PIK3CD: variants seen among roughly 807,000 people sequenced by gnomAD.
PIK3CD encodes the protein phosphatidylinositol 4,5-bisphosphate 3-kinase catalytic subunit delta isoform.
PIK3CD carries 20 observed loss-of-function variants against 122.9 expected under a neutral mutation model. That is an observed-to-expected ratio of 0.16 (90% CI 0.11 to 0.24). The LOEUF is 0.24. Ranked by LOEUF, PIK3CD falls within the 10% of genes least tolerant of loss-of-function variation. The pLI, the probability that PIK3CD is intolerant of heterozygous loss-of-function variation, is 1.00. For missense variants in PIK3CD, 787 were observed against 1,406.3 expected, an observed-to-expected ratio of 0.56 and a Z score of 7.04; for synonymous variants, 596 against 593.4, an observed-to-expected ratio of 1.00 and a Z score of -0.06.
intron 1 of PIK3CD, among the ~76,000 whole-genome samples, chr1:9,654,921 G>A (rs1452124475): frequency 6.6e-6 from 1 of 152,040 alleles, no homozygotes; most frequent in African/African-American, 2.4e-5. Context: ...AAAAAAATTA[G>A]CTGGGCGTGG....
intron 1 of PIK3CD, among the ~76,000 whole-genome samples, chr1:9,673,481 G>A (rs1377045911): frequency 6.6e-6 from 1 of 151,838 alleles, no homozygotes; most frequent in Non-Finnish European, 1.5e-5. Flanking sequence ...GGCTGATCTC[G>A]AACTCCTGAC....
At chr1:9,678,474 A>AT (rs1427295463) in intron 1 of PIK3CD, among the ~76,000 whole-genome samples, 93 of 151,976 alleles carry the variant, frequency 6.1e-4, no homozygotes, top group Non-Finnish European at 5.9e-5. Context: ...AAAGAAAAAA[A>AT]CTCCATCTTC....
chr1:9,676,886 C>T (rs568234054), intron 1 of PIK3CD, among the ~76,000 whole-genome samples: 10 of 152,170 alleles, frequency 6.6e-5, no homozygotes, highest in Non-Finnish European at 1.5e-4. Flanking sequence ...GAGTCTGAAC[C>T]GATCCCAGAG....
the PIK3CD span, among the ~76,000 whole-genome samples, chr1:9,629,667 G>A: frequency 2.2e-4 from 33 of 152,122 alleles, no homozygotes; most frequent in Admixed American, 1.4e-3. Context: ...GCTGGGAGAA[G>A]GTGAGCTAAG....
In PIK3CD at chr1:9,700,222, G is replaced by GC. The variant is rs1372134726; in HGVS notation, c.-33+8652dup. On this transcript the variant is annotated intron_variant, in intron 2 of 23. Transcript: ENST00000377346. The surrounding 1 kb of genome is among the most constrained non-coding windows in gnomAD (Gnocchi z 5.1). ...CTCGGCTCATTGCAGCCTCCCCCTC[G>GC]CAGGTTCAAGTGATTCTCGTGGCTC... is the stretch of plus-strand genomic sequence containing the variant. 6.7e-6 allele frequency among the ~76,000 whole-genome samples: 1 copy of GC among 149,460 alleles called. No individual in the cohort carries two copies. Among genetic ancestry groups the GC allele is most frequent in the African/African-American group, 2.5e-5 (1 of 40,422 alleles).
At chr1:9,628,970 C>G in the PIK3CD span, among the ~76,000 whole-genome samples, 1 of 151,344 alleles carries the variant, frequency 6.6e-6, no homozygotes, top group Admixed American at 6.6e-5. Context: ...CGTCTGTGGT[C>G]TGCCCTGGGG....
the PIK3CD span, among the ~76,000 whole-genome samples, chr1:9,630,938 G>T: frequency 6.6e-6 from 1 of 152,094 alleles, no homozygotes; most frequent in African/African-American, 2.4e-5. Flanking sequence ...CCATTCAGAT[G>T]ATTGGTCATC....
rs1022513845 is a variant in PIK3CD, at chr1:9,715,045, T to G, written c.142-496T>G. Reference sequence around the variant, plus strand: ...CAAAAAATTTAGCCAGGCATGGTGGTGCATGCCTATAATCCCAGCTACTCG... The same window carrying G: ...CAAAAAATTTAGCCAGGCATGGTGGGGCATGCCTATAATCCCAGCTACTCG... On this transcript the variant is annotated intron_variant, in intron 3 of 23. Transcript: ENST00000377346. This position sits in a 1 kb window ranked among gnomAD's most constrained non-coding sequence, Gnocchi z 4.1. Among the ~76,000 whole-genome samples the G allele has an allele frequency of 6.6e-6, 1 of 151,846 alleles. No individual in the cohort carries two copies. The highest frequency in any genetic ancestry group is 1.5e-5 in the Non-Finnish European group (1 of 67,946).
At chr1:9,646,103 C>T in the PIK3CD span, among the ~76,000 whole-genome samples, 7 of 151,870 alleles carry the variant, frequency 4.6e-5, no homozygotes, top group East Asian at 5.8e-4. Flanking sequence ...AGAGGCCTAA[C>T]GAGACCCATG....
At chr1:9,629,739 ACTCGCCGGACTCCCAG>A in the PIK3CD span, among the ~76,000 whole-genome samples, 1 of 151,738 alleles carries the variant, frequency 6.6e-6, no homozygotes, top group African/African-American at 2.4e-5. Context: ...GCCACAGGGT[ACTCGCCGGACTCCCAG>A]CTCGCCCTAA....
rs751383955 is a variant in PIK3CD, at chr1:9,653,859, G to A, written c.-138+2057G>A. On this transcript the variant is annotated intron_variant, in intron 1 of 23. Coordinates refer to ENST00000377346, the MANE Select transcript of PIK3CD (RefSeq NM_005026.5). ...GCTTCCTGGGCTTGGTCCTCTTTTG[G>A]TGCTTTCACAGAATGATGGAAGACA... 8.0e-6 allele frequency: 11 copies of A among 1,367,440 alleles called. No homozygotes were observed. The South Asian group carries it at 1.1e-4, about 14-fold the overall frequency. The allele number at this position is 1,367,440 out of a possible 1,614,324, so 84.7% of individuals were successfully genotyped here. A position where few individuals can be genotyped will look rare whatever the true frequency, so the allele number is the denominator to read the frequency against.
At chr1:9,661,107 G>A (rs1644996488) in intron 1 of PIK3CD, among the ~76,000 whole-genome samples, 1 of 151,992 alleles carries the variant, frequency 6.6e-6, no homozygotes, top group Admixed American at 6.6e-5. Context: ...GATAATTTGT[G>A]TATTTTTAGT....
rs1005503267 is a variant in PIK3CD at position 9,717,283 on chromosome 1, C to T, written c.930+175C>T. ...CTGGGCTGGGGGCCTGTGGGACTGC[C>T]GTGGGTGGGGGGCAGCCCCATGCCT... On this transcript the variant is annotated intron_variant, in intron 7 of 23. Coordinates refer to ENST00000377346, the MANE Select transcript of PIK3CD (RefSeq NM_005026.5). This position sits in a 1 kb window ranked among gnomAD's most constrained non-coding sequence, Gnocchi z 5.4. Among the ~76,000 whole-genome samples, 7 of 152,150 alleles carry T rather than the reference C, an allele frequency of 4.6e-5. No homozygotes were observed. The highest frequency in any genetic ancestry group is 1.7e-4 in the African/African-American group (7 of 41,436).
chr1:9,714,985 AT>A (rs1647220368), intron 3 of PIK3CD, among the ~76,000 whole-genome samples: 1 of 152,124 alleles, frequency 6.6e-6, no homozygotes, highest in African/African-American at 2.4e-5. Context: ...AGCTTGGCCA[AT>A]GTAGCGAAAC....
In PIK3CD at chr1:9,725,538, G is replaced by A. The variant is rs150804180; in HGVS notation, c.2997+602G>A. Among the ~76,000 whole-genome samples the A allele has an allele frequency of 5.8e-3, 871 of 150,026 alleles. 12 individuals carry two copies. Among genetic ancestry groups the A allele is most frequent in the East Asian group, 0.044 (221 of 5,032 alleles). ...CCATTGCACTCCAGCCTGGGCAGCA[G>A]GAGCAAAACTCGGTCTCAAAAAAAA... On this transcript the variant is annotated intron_variant, in intron 23 of 23. Transcript: ENST00000377346.
chr1:9,720,102 CT>C lies in PIK3CD; in HGVS notation c.1340-9del. Reference sequence around the variant, plus strand: ...CACCCCTCTACAACTTCATCTGCCCCTGTGTTCAGATGAGAAGGGCGAGCTG... The same window carrying C: ...CACCCCTCTACAACTTCATCTGCCCCGTGTTCAGATGAGAAGGGCGAGCTG... On this transcript the variant is annotated splice_polypyrimidine_tract_variant and intron_variant, in intron 10 of 23. Transcript: ENST00000377346. This position sits in a 1 kb window ranked among gnomAD's most constrained non-coding sequence, Gnocchi z 9.0. 1 of 1,613,316 alleles carries C rather than the reference CT, an allele frequency of 6.2e-7. No individual in the cohort carries two copies. Among genetic ancestry groups the C allele is most frequent in the Non-Finnish European group, 8.5e-7 (1 of 1,180,004 alleles).
At chr1:9,640,308 G>A in the PIK3CD span, among the ~76,000 whole-genome samples, 5 of 152,062 alleles carry the variant, frequency 3.3e-5, no homozygotes, top group Non-Finnish European at 5.9e-5. Context: ...AGCCAGGCAC[G>A]GTGGCTCACA....
intron 2 of PIK3CD, among the ~76,000 whole-genome samples, chr1:9,701,024 G>A (rs1037494438): frequency 6.6e-6 from 1 of 151,876 alleles, no homozygotes; most frequent in African/African-American, 2.4e-5. Context: ...CTGCTTCTCC[G>A]CAGTCCTTCC....
intron 1 of PIK3CD, among the ~76,000 whole-genome samples, chr1:9,658,807 C>T (rs984770773): frequency 1.6e-4 from 24 of 152,118 alleles, no homozygotes; most frequent in African/African-American, 5.3e-4. Context: ...TGGGCCTGGC[C>T]ACCAAGCCAC....
Sources: allele counts gnomAD v4.1 joint callset (sites outside exome capture counted in the v4.1 genomes callset), GRCh38; gene constraint gnomAD v4.1.1; non-coding constraint Gnocchi (gnomAD v3.1); transcripts MANE v1.5; gene names NCBI Gene and HGNC (gene_info 2026-07-23, HGNC 2026-07-21).